GABBR2: variants seen among roughly 807,000 people sequenced by gnomAD.
GABBR2 encodes gamma-aminobutyric acid type B receptor subunit 2.
GABBR2 carries 23 observed loss-of-function variants against 105.6 expected under a neutral mutation model. The ratio of observed to expected loss-of-function variants is 0.22; its 90% CI spans 0.16 to 0.31. GABBR2 has a LOEUF of 0.31. Among genes scored for constraint, GABBR2 ranks in the 10% least tolerant of loss-of-function variants. GABBR2 has a pLI of 1.00. For missense variants in GABBR2, 734 were observed against 1,245.5 expected (o/e 0.59, Z 6.18); for synonymous variants, 478 against 499.7 (o/e 0.96, Z 0.58).
intron 16 of GABBR2, among the ~76,000 whole-genome samples, chr9:98,299,700 G>A (rs1223891993): frequency 6.6e-6 from 1 of 152,142 alleles, no homozygotes; most frequent in Non-Finnish European, 1.5e-5. Context: ...CCCCTTACTT[G>A]CAGTGATGTT....
chr9:98,608,142 T>C (rs1829456714), intron 1 of GABBR2: 2 of 1,252,364 alleles, frequency 1.6e-6, no homozygotes, highest in East Asian at 4.8e-5. Flanking sequence ...AAACTCTCTA[T>C]TGACCACCAG....
intron 13 of GABBR2, among the ~76,000 whole-genome samples, chr9:98,329,127 CAT>C (rs1564019158): frequency 6.6e-6 from 1 of 152,190 alleles, no homozygotes; most frequent in Non-Finnish European, 1.5e-5. Context: ...TCCCTGATGA[CAT>C]ATGCACTCAG....
At chr9:98,492,671 C>T (rs1186274887) in intron 4 of GABBR2, among the ~76,000 whole-genome samples, 3 of 152,062 alleles carry the variant, frequency 2.0e-5, no homozygotes, top group Admixed American at 2.0e-4. Context: ...TTTTGATGAA[C>T]TAGACAGTTT....
chr9:98,567,338 T>C (rs1828767125), intron 2 of GABBR2, among the ~76,000 whole-genome samples: 1 of 152,168 alleles, frequency 6.6e-6, no homozygotes, highest in Non-Finnish European at 1.5e-5. Flanking sequence ...CAGGAATAGA[T>C]TGGGAACCAC....
In GABBR2 at chr9:98,642,197, C is replaced by T. The variant is rs7870545; in HGVS notation, c.322-64125G>A. Reference sequence around the variant, plus strand: ...GTTCATCAACAACCAAGGAAGGTAACGGCCTCCCCCTCCTCCCAGAGAGCC... The same window carrying T: ...GTTCATCAACAACCAAGGAAGGTAATGGCCTCCCCCTCCTCCCAGAGAGCC... On this transcript the variant is annotated intron_variant, in intron 1 of 18. Transcript: ENST00000259455. 1.3e-3 allele frequency among the ~76,000 whole-genome samples: 205 copies of T among 152,300 alleles called. 2 individuals carry two copies. The highest frequency in any genetic ancestry group is 4.5e-3 in the African/African-American group (189 of 41,572).
At chr9:98,594,327 A>G (rs781296601) in intron 1 of GABBR2, among the ~76,000 whole-genome samples, 1 of 152,218 alleles carries the variant, frequency 6.6e-6, no homozygotes, top group Non-Finnish European at 1.5e-5. Context: ...CCCCAAGCCC[A>G]TCACGACACT....
chr9:98,365,927 G>A (rs1831668558), intron 12 of GABBR2, among the ~76,000 whole-genome samples: 1 of 152,144 alleles, frequency 6.6e-6, no homozygotes, highest in Admixed American at 6.5e-5. Flanking sequence ...CTTAAATGCT[G>A]CCTGAACTTC....
chr9:98,418,085 AG>A (rs1832719799), intron 7 of GABBR2, among the ~76,000 whole-genome samples: 1 of 152,106 alleles, frequency 6.6e-6, no homozygotes, highest in South Asian at 2.1e-4. Flanking sequence ...GGGCCACAAA[AG>A]GGGTGTTGGC....
At chr9:98,422,281 C>T (rs968256875) in intron 7 of GABBR2, among the ~76,000 whole-genome samples, 1 of 152,184 alleles carries the variant, frequency 6.6e-6, no homozygotes, top group Non-Finnish European at 1.5e-5. Flanking sequence ...CATGGCAACA[C>T]TTAGAAATAC....
chr9:98,505,447 T>TGC, intron 3 of GABBR2, among the ~76,000 whole-genome samples: 1 of 151,860 alleles, frequency 6.6e-6, no homozygotes, highest in Non-Finnish European at 1.5e-5. Context: ...TGTGTGTGTG[T>TGC]GTGTGTGTGT....
rs193284037 is a variant in GABBR2 at position 98,689,492 on chromosome 9, A to C, written c.321+18925T>G. Among the ~76,000 whole-genome samples, 401 of 152,290 alleles carry C rather than the reference A, an allele frequency of 2.6e-3. 2 individuals carry two copies. The highest frequency in any genetic ancestry group is 4.3e-3 in the Admixed American group (66 of 15,302). On this transcript the variant is annotated intron_variant, in intron 1 of 18. Transcript: ENST00000259455. ...CGGTGCTAATAGTAGGATATACTGC[A>C]TTTTCACTTAGACAAGCTCATGCCT...
At chr9:98,570,386 C>A (rs965126819) in intron 2 of GABBR2, among the ~76,000 whole-genome samples, 1 of 152,230 alleles carries the variant, frequency 6.6e-6, no homozygotes, top group Non-Finnish European at 1.5e-5. Context: ...CGTTTTCCTA[C>A]GAGCAGCCCT....
chr9:98,362,902 G>A lies in GABBR2; in HGVS notation c.1771-65C>T, dbSNP rs892967649. The A allele has an allele frequency of 5.0e-6, 7 of 1,404,712 alleles. No individual in the cohort carries two copies. In the East Asian group the frequency reaches 7.8e-5, roughly 16 times the overall value. The allele number at this position is 1,404,712 out of a possible 1,614,324, so 87.0% of individuals were successfully genotyped here. A position where few individuals can be genotyped will look rare whatever the true frequency, so the allele number is the denominator to read the frequency against. On this transcript the variant is annotated intron_variant, in intron 12 of 18. Coordinates refer to ENST00000259455, the MANE Select transcript of GABBR2 (RefSeq NM_005458.8). Reference sequence around the variant, plus strand: ...GACAGCTTCCCACGCAGCAACTGGGGGCCCAGGTCATAGGGGGAACCTGCA... The same window carrying A: ...GACAGCTTCCCACGCAGCAACTGGGAGCCCAGGTCATAGGGGGAACCTGCA...
intron 2 of GABBR2, among the ~76,000 whole-genome samples, chr9:98,555,392 A>G (rs1298593138): frequency 6.6e-6 from 1 of 152,258 alleles, no homozygotes; most frequent in East Asian, 1.9e-4. Flanking sequence ...TTTGTTAATT[A>G]AACAAATAAT....
chr9:98,514,653 G>A (rs1213494927), intron 3 of GABBR2, among the ~76,000 whole-genome samples: 2 of 107,672 alleles, frequency 1.9e-5, no homozygotes, highest in Non-Finnish European at 3.7e-5. Context: ...CTGTTGTAGG[G>A]TGGGGGGAGG....
rs1311594756 is a variant in GABBR2, at chr9:98,288,548, T to G, written c.*2036A>C. 7.8e-6 allele frequency: 1 copy of G among 128,020 alleles called. No homozygotes were observed. The highest frequency in any genetic ancestry group is 1.8e-5 in the Non-Finnish European group (1 of 56,310). 7.9% of individuals were successfully genotyped at this position (128,020 alleles called of 1,614,324 possible). On this transcript the variant is annotated 3_prime_UTR_variant, in exon 19 of 19. Coordinates refer to ENST00000259455, the MANE Select transcript of GABBR2 (RefSeq NM_005458.8). ...ATATTTCTACAGGTATTTTTTTTTG[T>G]GTGTGTGTATACATTATGTACAATT...
intron 6 of GABBR2, 103 bp downstream of exon 6, chr9:98,473,042 CA>C: frequency 1.2e-6 from 1 of 848,376 alleles, no homozygotes; most frequent in Non-Finnish European, 1.9e-6. Flanking sequence ...GTGATTTGCT[CA>C]AAGTGACACA....
chr9:98,498,113 A>G (rs2104905), intron 3 of GABBR2, among the ~76,000 whole-genome samples: 61,193 of 152,018 alleles, frequency 0.4, 12,792 homozygotes, highest in African/African-American at 0.5. Context: ...ATCATGCTAC[A>G]TGAAATAAGG....
At chr9:98,567,506 G>C (rs781323929) in intron 2 of GABBR2, among the ~76,000 whole-genome samples, 1 of 152,070 alleles carries the variant, frequency 6.6e-6, no homozygotes. Flanking sequence ...CTTCATGGTC[G>C]GTGAGAGTTA....
Sources: allele counts gnomAD v4.1 joint callset (sites outside exome capture counted in the v4.1 genomes callset), GRCh38; gene constraint gnomAD v4.1.1; transcripts MANE v1.5; gene names NCBI Gene and HGNC (gene_info 2026-07-23, HGNC 2026-07-21).